INTS2: variants seen among roughly 807,000 people sequenced by gnomAD.
The protein encoded by INTS2 is integrator complex subunit 2.
In INTS2, 57 loss-of-function variants were observed where a neutral mutation model predicts 139.6. The observed-to-expected ratio is 0.41, with a 90% CI of 0.33 to 0.51. The LOEUF is 0.51. Ranked by LOEUF, INTS2 falls within the 20% of genes least tolerant of loss-of-function variation. The probability of loss-of-function intolerance (pLI) is 0.28; values close to 1 mark genes in which losing one functional copy is unlikely to be tolerated. For missense variants in INTS2, 1,196 were observed against 1,436.7 expected (o/e 0.83, Z 2.71); for synonymous variants, 473 against 493.4 (o/e 0.96, Z 0.55).
rs910839398 is a variant in INTS2, at chr17:61,885,701, C to A, written c.1985-696G>T. Among the ~76,000 whole-genome samples, 14 of 147,332 alleles carry A rather than the reference C, an allele frequency of 9.5e-5. 1 individual carries two copies. Among genetic ancestry groups the A allele is most frequent in the African/African-American group, 1.8e-4 (7 of 39,780 alleles). ...CCTCCCAAATTGCTGGGATTACAGG[C>A]GTGAGTCACTGGGCCCGGCCAATTT... On this transcript the variant is annotated intron_variant, in intron 15 of 24. Transcript: ENST00000251334.
At position 61,880,424 on chromosome 17, in the gene INTS2, T is replaced by C. The variant is rs371674816; in HGVS notation, c.2254+583A>G. Among the ~76,000 whole-genome samples, 25 of 152,124 alleles carry C rather than the reference T, an allele frequency of 1.6e-4. No individual in the cohort carries two copies. The East Asian group carries it at 3.7e-3, about 22-fold the overall frequency. Reference sequence around the variant, plus strand: ...TTTTAGTGATATAATATAGGACCTATGAGAGAAAAGATACAAGCACATCAG... The same window carrying C: ...TTTTAGTGATATAATATAGGACCTACGAGAGAAAAGATACAAGCACATCAG... On this transcript the variant is annotated intron_variant, in intron 17 of 24. Coordinates refer to ENST00000251334, the MANE Select transcript of INTS2 (RefSeq NM_001351695.2).
intron 15 of INTS2, among the ~76,000 whole-genome samples, chr17:61,888,807 G>C (rs920948630): frequency 6.6e-6 from 1 of 152,040 alleles, no homozygotes; most frequent in African/African-American, 2.4e-5. Context: ...GGCGGATCAC[G>C]AGGTTAGGAG....
Position 61,893,197 on chromosome 17 carries a change from T to C in INTS2, c.1698+568A>G, listed in dbSNP as rs908924752. 4.6e-5 allele frequency among the ~76,000 whole-genome samples: 7 copies of C among 152,094 alleles called. No individual in the cohort carries two copies. The highest frequency in any genetic ancestry group is 1.4e-4 in the African/African-American group (6 of 41,424). ...TATTGAGAATTTAAATGGAGTATTA[T>C]GCATTTTGAAAATCTTACATTGTTT... is the stretch of plus-strand genomic sequence containing the variant. On this transcript the variant is annotated intron_variant, in intron 13 of 24. Coordinates refer to ENST00000251334, the MANE Select transcript of INTS2 (RefSeq NM_001351695.2). The surrounding 1 kb of genome is among the most constrained non-coding windows in gnomAD (Gnocchi z 5.4).
chr17:61,922,511 CATATATATAT>C (rs60100593), intron 3 of INTS2, among the ~76,000 whole-genome samples: 1,150 of 73,198 alleles, frequency 0.016, 41 homozygotes, highest in East Asian at 0.057. Context: ...AACAAACAAA[CATATATATAT>C]ATATATATAT....
chr17:61,922,511 CATAT>C (rs60100593), intron 3 of INTS2, among the ~76,000 whole-genome samples: 2,037 of 73,122 alleles, frequency 0.028, 58 homozygotes, highest in African/African-American at 0.04. Context: ...AACAAACAAA[CATAT>C]ATATATATAT....
intron 5 of INTS2, among the ~76,000 whole-genome samples, chr17:61,917,368 G>C (rs1261403246): frequency 6.6e-6 from 1 of 152,092 alleles, no homozygotes; most frequent in East Asian, 1.9e-4. Context: ...CAATAGCAAA[G>C]ACATGGAATC....
rs189528970 is a variant in INTS2, at chr17:61,900,109, C to A, written c.1308-2370G>T. 8.9e-4 allele frequency among the ~76,000 whole-genome samples: 136 copies of A among 152,168 alleles called. 1 individual carries two copies. The highest frequency in any genetic ancestry group is 3.5e-4 in the Non-Finnish European group (24 of 67,990). On this transcript the variant is annotated intron_variant, in intron 9 of 24. Transcript: ENST00000251334. ...TGAGGAGGGACAACACCACAAAATA[C>A]TGGAAGCTAGAGAATATATAGATAA...
intron 15 of INTS2, among the ~76,000 whole-genome samples, chr17:61,886,798 C>T (rs1474032576): frequency 6.6e-6 from 1 of 152,136 alleles, no homozygotes; most frequent in Non-Finnish European, 1.5e-5. Context: ...CTCTTACAAA[C>T]TACAAACAGT....
At chr17:61,919,883 C>G (rs1327320217) in intron 4 of INTS2, among the ~76,000 whole-genome samples, 2 of 152,194 alleles carry the variant, frequency 1.3e-5, no homozygotes, top group Admixed American at 1.3e-4. Context: ...CATGAGCCAC[C>G]ATGCCCAACC....
At chr17:61,878,931 C>CAG (rs1555621234) in intron 17 of INTS2, among the ~76,000 whole-genome samples, 1 of 46,656 alleles carries the variant, frequency 2.1e-5, no homozygotes, top group African/African-American at 1.0e-4. Context: ...ACCCTGTCTC[C>CAG]AAAAAAAAAA....
chr17:61,921,161 A>G (rs1603384056), intron 4 of INTS2: 1 of 152,348 alleles, frequency 6.6e-6, no homozygotes, highest in East Asian at 1.9e-4. Context: ...GGTACGAAGA[A>G]GAAAATTAAA....
In INTS2 at chr17:61,927,670, C is replaced by T. The variant is rs2079731867; in HGVS notation, c.-35G>A. The T allele has an allele frequency of 7.1e-7, 1 of 1,417,248 alleles. No individual in the cohort carries two copies. Among genetic ancestry groups the T allele is most frequent in the African/African-American group, 1.4e-5 (1 of 69,162 alleles). The allele number at this position is 1,417,248 out of a possible 1,614,324, so 87.8% of individuals were successfully genotyped here. On this transcript the variant is annotated 5_prime_UTR_variant, in exon 1 of 25. Transcript: ENST00000251334. ...GCTTCATACCTTAAGATCTACCCTC[C>T]AGCCTCACGGAACCGCACACGGACT...
intron 8 of INTS2, among the ~76,000 whole-genome samples, chr17:61,906,539 A>G (rs959099850): frequency 6.6e-6 from 1 of 152,210 alleles, no homozygotes; most frequent in Non-Finnish European, 1.5e-5. Context: ...TTAATGTATC[A>G]TGGCAACTGA....
At position 61,868,913 on chromosome 17, in the gene INTS2, C is replaced by T. The variant is rs2079066815; in HGVS notation, c.3244+121G>A. Reference sequence around the variant, plus strand: ...CGGCATAAGTTAAACTAGTATTTAACACATATTGTATCATACTGTCTCAGA... The same window carrying T: ...CGGCATAAGTTAAACTAGTATTTAATACATATTGTATCATACTGTCTCAGA... On this transcript the variant is annotated intron_variant, in intron 23 of 24. Transcript: ENST00000251334. The surrounding 1 kb of genome is among the most constrained non-coding windows in gnomAD (Gnocchi z 4.7). 1.6e-6 allele frequency: 1 copy of T among 611,716 alleles called. No homozygotes were observed. The highest frequency in any genetic ancestry group is 2.2e-5 in the South Asian group (1 of 45,554). The allele number at this position is 611,716 out of a possible 1,614,324, so 37.9% of individuals were successfully genotyped here.
At chr17:61,924,657 A>G (rs1410203044) in intron 3 of INTS2, among the ~76,000 whole-genome samples, 1 of 152,022 alleles carries the variant, frequency 6.6e-6, no homozygotes, top group Non-Finnish European at 1.5e-5. Context: ...GTGAAACCCC[A>G]TTTCTACTAA....
Position 61,872,517 on chromosome 17 carries a change from T to G in INTS2, c.2583-57A>C. On this transcript the variant is annotated intron_variant, in intron 19 of 24. Coordinates refer to ENST00000251334, the MANE Select transcript of INTS2 (RefSeq NM_001351695.2). The surrounding 1 kb of genome is among the most constrained non-coding windows in gnomAD (Gnocchi z 4.8). ...TCAGAAAGAATATAAATTTATAAATTAGCCAGAACATGATCAATTTAGTTT... is the reference window on the plus strand; with the variant it reads ...TCAGAAAGAATATAAATTTATAAATGAGCCAGAACATGATCAATTTAGTTT... The G allele has an allele frequency of 2.6e-6, 3 of 1,156,942 alleles. No homozygotes were observed. The highest frequency in any genetic ancestry group is 3.6e-6 in the Non-Finnish European group (3 of 834,576). 71.7% of individuals were successfully genotyped at this position (1,156,942 alleles called of 1,614,324 possible). A position where few individuals can be genotyped will look rare whatever the true frequency, so the allele number is the denominator to read the frequency against.
intron 15 of INTS2, among the ~76,000 whole-genome samples, chr17:61,887,493 A>AG (rs1202572209): frequency 6.6e-6 from 1 of 151,742 alleles, no homozygotes; most frequent in East Asian, 1.9e-4. Context: ...AAAAAAAAAA[A>AG]AAAAAAAAGA....
At chr17:61,891,001 A>G (rs1478128362) in intron 14 of INTS2, among the ~76,000 whole-genome samples, 1 of 146,896 alleles carries the variant, frequency 6.8e-6, no homozygotes, top group Non-Finnish European at 1.5e-5. Flanking sequence ...AAAAAAAAAA[A>G]AAAAAAAAAA....
In INTS2 at chr17:61,927,834, G is replaced by A; in HGVS notation, c.-199C>T. ...GAACTCAGACGCCGGGACCAACCGG[G>A]TTGTCGATACAAAGTGGGAAGGATG... On this transcript the variant is annotated 5_prime_UTR_variant, in exon 1 of 25. Coordinates refer to ENST00000251334, the MANE Select transcript of INTS2 (RefSeq NM_001351695.2). The A allele has an allele frequency of 6.2e-7, 1 of 1,613,388 alleles. No homozygotes were observed. The highest frequency in any genetic ancestry group is 8.5e-7 in the Non-Finnish European group (1 of 1,179,534).
Sources: allele counts gnomAD v4.1 joint callset (sites outside exome capture counted in the v4.1 genomes callset), GRCh38; gene constraint gnomAD v4.1.1; non-coding constraint Gnocchi (gnomAD v3.1); transcripts MANE v1.5; gene names NCBI Gene and HGNC (gene_info 2026-07-23, HGNC 2026-07-21).